NEDD8: variants seen among roughly 807,000 people sequenced by gnomAD.
NEDD8 encodes ubiquitin-like protein NEDD8.
NEDD8 carries 1 observed loss-of-function variant against 13.8 expected under a neutral mutation model. The observed-to-expected ratio is 0.07, with a 90% CI of 0.03 to 0.34. NEDD8 has a LOEUF of 0.34. Among genes scored for constraint, NEDD8 ranks in the 10% least tolerant of loss-of-function variants. NEDD8 has a pLI of 0.99. For synonymous variants in NEDD8, 31 were observed against 33.2 expected, an observed-to-expected ratio of 0.93 and a Z score of 0.23; for missense variants, 10 against 95.2, an observed-to-expected ratio of 0.10 and a Z score of 3.73.
At chr14:24,228,631 A>C (rs1012096697) in intron 1 of NEDD8, 4 of 147,314 alleles carry the variant, frequency 2.7e-5, no homozygotes, top group African/African-American at 1.0e-4. Context: ...AGATGGGAGA[A>C]TTGCTTGGGC....
intron 3 of NEDD8, 128 bp from the exon 4 acceptor site, chr14:24,217,351 A>G (rs1278220694): frequency 6.9e-6 from 5 of 723,404 alleles, no homozygotes; most frequent in Non-Finnish European, 1.2e-5. Flanking sequence ...GTACAGTGGC[A>G]CGATCTCAGC....
At chr14:24,218,269 C>A in intron 2 of NEDD8, 54 bp from the exon 3 acceptor site, 2 of 1,613,722 alleles carry the variant, frequency 1.2e-6, no homozygotes, top group Non-Finnish European at 1.7e-6. Flanking sequence ...ACCATGGAAA[C>A]GGAAAGAACA....
At chr14:24,223,476 T>C (rs917797454) in intron 1 of NEDD8, among the ~76,000 whole-genome samples, 1 of 152,218 alleles carries the variant, frequency 6.6e-6, no homozygotes, top group African/African-American at 2.4e-5. Context: ...TTAAGTTTCA[T>C]AATTTACAAT....
rs571371949 is a variant in NEDD8 at position 24,223,963 on chromosome 14, T to C, written c.19-5532A>G. Among the ~76,000 whole-genome samples the C allele has an allele frequency of 1.8e-4, 28 of 152,222 alleles. No homozygotes were observed. The South Asian group carries it at 5.4e-3, about 29-fold the overall frequency. On this transcript the variant is annotated intron_variant, in intron 1 of 3. Transcript: ENST00000250495. ...ATTTTTTTGAGACAGAGTCTCGCTC[T>C]GTCGCCCAGGCTGGAGTGCAGTAGC...
At chr14:24,218,768 T>C (rs1404024209) in intron 1 of NEDD8, 6 of 342,828 alleles carry the variant, frequency 1.8e-5, no homozygotes, top group Non-Finnish European at 3.3e-5. Flanking sequence ...ATTTTTGAGA[T>C]GGAGTTTCGC....
At chr14:24,222,698 C>G (rs1481498306) in intron 1 of NEDD8, among the ~76,000 whole-genome samples, 1 of 151,978 alleles carries the variant, frequency 6.6e-6, no homozygotes, top group East Asian at 1.9e-4. Flanking sequence ...CCCAACATAG[C>G]CAAAATATTA....
At chr14:24,230,130 T>C (rs915818375) in intron 1 of NEDD8, among the ~76,000 whole-genome samples, 3 of 147,764 alleles carry the variant, frequency 2.0e-5, no homozygotes, top group African/African-American at 7.7e-5. Flanking sequence ...TTCTAAAAAT[T>C]AGTATGAACT....
intron 1 of NEDD8, among the ~76,000 whole-genome samples, chr14:24,224,362 C>A (rs2039857240): frequency 6.6e-6 from 1 of 152,182 alleles, no homozygotes; most frequent in South Asian, 2.1e-4. Flanking sequence ...CCATGCCCGG[C>A]CTGAAAATTG....
intron 1 of NEDD8, chr14:24,226,647 T>A (rs1429495352): frequency 6.6e-6 from 1 of 152,086 alleles, no homozygotes; most frequent in East Asian, 1.9e-4. Flanking sequence ...ATTATAACAC[T>A]ATAATAGCCA....
chr14:24,229,349 G>A (rs563288145), intron 1 of NEDD8, among the ~76,000 whole-genome samples: 17 of 152,282 alleles, frequency 1.1e-4, no homozygotes, highest in South Asian at 6.2e-4. Flanking sequence ...CCTGTCAAGT[G>A]GCTGGGACTA....
chr14:24,228,902 G>A (rs145491607), intron 1 of NEDD8, among the ~76,000 whole-genome samples: 1,679 of 151,834 alleles, frequency 0.011, 16 homozygotes, highest in African/African-American at 0.029. Context: ...GGGATGGGGC[G>A]AGAGGGGGAG....
intron 1 of NEDD8, among the ~76,000 whole-genome samples, chr14:24,221,325 C>T (rs2039806426): frequency 6.6e-6 from 1 of 151,108 alleles, no homozygotes; most frequent in Admixed American, 6.6e-5. Flanking sequence ...CAGTCTCACC[C>T]GGATGGAGTG....
intron 1 of NEDD8, among the ~76,000 whole-genome samples, chr14:24,223,739 ATT>A (rs558821572): frequency 3.6e-5 from 5 of 139,874 alleles, no homozygotes; most frequent in African/African-American, 5.3e-5. Context: ...AAAAAAAAAA[ATT>A]TTTTTTTTTT....
intron 2 of NEDD8, 64 bp downstream of exon 2, chr14:24,218,320 A>G: frequency 6.2e-7 from 1 of 1,614,116 alleles, no homozygotes; most frequent in South Asian, 1.1e-5. Context: ...GACCAAGTTC[A>G]TAAGCATATG....
chr14:24,225,175 A>AG (rs1267623642), intron 1 of NEDD8, among the ~76,000 whole-genome samples: 1 of 148,020 alleles, frequency 6.8e-6, no homozygotes, highest in Non-Finnish European at 1.5e-5. Flanking sequence ...CTGTCTCAAA[A>AG]AAAAAAAAAA....
intron 1 of NEDD8, among the ~76,000 whole-genome samples, chr14:24,222,362 A>G (rs1428530466): frequency 6.6e-5 from 10 of 152,234 alleles, no homozygotes. Context: ...AAAATTTTGT[A>G]AAAACAACAC....
At chr14:24,222,763 C>T (rs546393587) in intron 1 of NEDD8, among the ~76,000 whole-genome samples, 17 of 151,982 alleles carry the variant, frequency 1.1e-4, no homozygotes, top group Non-Finnish European at 2.4e-4. Flanking sequence ...CTAACCAAAT[C>T]CTAAAAATCC....
chr14:24,231,051 G>T (rs1437358393), intron 1 of NEDD8, among the ~76,000 whole-genome samples: 1 of 152,034 alleles, frequency 6.6e-6, no homozygotes, highest in Non-Finnish European at 1.5e-5. Context: ...CCAGACCCTT[G>T]GCTAATTTTT....
chr14:24,229,345 A>C (rs2039951168), intron 1 of NEDD8, among the ~76,000 whole-genome samples: 1 of 152,202 alleles, frequency 6.6e-6, no homozygotes, highest in Non-Finnish European at 1.5e-5. Flanking sequence ...TCACCCTGTC[A>C]AGTGGCTGGG....
Sources: gnomAD v4.1 joint callset for allele counts (sites outside exome capture counted in the v4.1 genomes callset) on GRCh38, gnomAD v4.1.1 for gene constraint, MANE v1.5 for transcripts, NCBI Gene and HGNC (gene_info 2026-07-23, HGNC 2026-07-21) for gene names.